The following DMTF1 variants were observed in gnomAD, a reference collection of about 807,000 sequenced individuals.
DMTF1 encodes the protein cyclin-D-binding Myb-like transcription factor 1.
DMTF1 carries 39 observed loss-of-function variants against 91.1 expected under a neutral mutation model. That is an observed-to-expected ratio of 0.43 (90% confidence interval 0.33 to 0.56). The LOEUF is 0.56. DMTF1 is among the 20% of genes least tolerant of loss of function. DMTF1 has a pLI of 0.05. For missense variants in DMTF1, 750 were observed against 914.5 expected (o/e 0.82, Z 2.32); for synonymous variants, 338 against 309.5 (o/e 1.09, Z -0.97).
At chr7:87,155,146 A>G (rs973627355) in intron 1 of DMTF1, among the ~76,000 whole-genome samples, 2 of 152,220 alleles carry the variant, frequency 1.3e-5, no homozygotes, top group Non-Finnish European at 2.9e-5. Context: ...CATAGATGTT[A>G]AAATATTGAG....
chr7:87,159,210 T>C lies in DMTF1; in HGVS notation c.-131-4285T>C, dbSNP rs567420515. Among the ~76,000 whole-genome samples, 7 of 152,264 alleles carry C rather than the reference T, an allele frequency of 4.6e-5. No individual in the cohort carries two copies. In the South Asian group the frequency reaches 1.4e-3, roughly 32 times the overall value. On this transcript the variant is annotated intron_variant, in intron 1 of 17. Coordinates refer to ENST00000331242, the MANE Select transcript of DMTF1 (RefSeq NM_001142327.2). The stretch of plus-strand genomic sequence containing the variant: ...CATGATAAGACTAGAAAATTAAAGC[T>C]ATCAAAGCTATAAATAAGGAGTGCA...
intron 9 of DMTF1, chr7:87,181,879 T>A (rs529884024): frequency 1.5e-4 from 74 of 494,910 alleles, no homozygotes; most frequent in South Asian, 1.5e-3. Context: ...AAACTTTAGA[T>A]GTCTAAAGAA....
intron 13 of DMTF1, 125 bp downstream of exon 13, chr7:87,188,426 C>A: frequency 1.0e-6 from 1 of 959,846 alleles, no homozygotes; most frequent in Admixed American, 2.1e-5. Context: ...TGAAGGACAT[C>A]TAAGATATTT....
Position 87,191,044 on chromosome 7 carries a change from A to G in DMTF1, c.1494+17A>G. ...ATTCTTCCCGTGAGTAACGCTTCAT[A>G]TATATTGGCCATTTTTATGCATGAG... On this transcript the variant is annotated intron_variant, in intron 14 of 17. Coordinates refer to ENST00000331242, the MANE Select transcript of DMTF1 (RefSeq NM_001142327.2). 2 of 1,500,760 alleles carry G rather than the reference A, an allele frequency of 1.3e-6. No homozygotes were observed. The highest frequency in any genetic ancestry group is 1.8e-6 in the Non-Finnish European group (2 of 1,086,534). The allele number at this position is 1,500,760 out of a possible 1,614,324, so 93.0% of individuals were successfully genotyped here. A position where few individuals can be genotyped will look rare whatever the true frequency, so the allele number is the denominator to read the frequency against.
chr7:87,171,059 G>C lies in DMTF1; in HGVS notation c.297G>C (p.Glu99Asp). The change falls in exon 5 of 18, where the codon GAG (glutamate) becomes GAC (aspartate). Residue 99 changes from glutamate (E) to aspartate (D), a missense_variant. By Grantham distance (45) the Glu-to-Asp change is conservative (BLOSUM62 2). Around this residue, in one of 3 missense-constraint regions of DMTF1, gnomAD observed 150 missense variants for 150.4 expected, o/e 1.00. Transcript: ENST00000331242. ...CAACCACAGAAGTAGCAGATGATGA[G>C]GTTACTGAGGGGACTGTGACACAGA... ...MTATTEVADDEVTEGTVTQIQ... is the reference protein window; with the variant it reads ...MTATTEVADDDVTEGTVTQIQ... The C allele has an allele frequency of 6.2e-7, 1 of 1,611,328 alleles. No individual in the cohort carries two copies. The highest frequency in any genetic ancestry group is 1.1e-5 in the South Asian group (1 of 90,960).
Position 87,152,526 on chromosome 7 carries a change from C to G in DMTF1, c.-161C>G, listed in dbSNP as rs1789387370. The G allele has an allele frequency of 6.5e-6, 1 of 152,808 alleles. No homozygotes were observed. The highest frequency in any genetic ancestry group is 1.5e-5 in the Non-Finnish European group (1 of 68,142). 9.5% of individuals were successfully genotyped at this position (152,808 alleles called of 1,614,324 possible). Reference sequence around the variant, plus strand: ...ATTTTTTGGAGCTTCCATCCTGGTTCTTCCAAAGTGCCCGGACCCAAAACA... The same window carrying G: ...ATTTTTTGGAGCTTCCATCCTGGTTGTTCCAAAGTGCCCGGACCCAAAACA... On this transcript the variant is annotated 5_prime_UTR_variant, in exon 1 of 18. Coordinates refer to ENST00000331242, the MANE Select transcript of DMTF1 (RefSeq NM_001142327.2).
intron 9 of DMTF1, 69 bp from the exon 10 acceptor site, chr7:87,182,159 G>C: frequency 6.2e-7 from 1 of 1,607,186 alleles, no homozygotes; most frequent in Non-Finnish European, 8.5e-7. Flanking sequence ...GAAGAATGAA[G>C]AATAAATGAT....
intron 1 of DMTF1, among the ~76,000 whole-genome samples, chr7:87,162,613 G>C (rs1048105259): frequency 6.6e-6 from 1 of 151,812 alleles, no homozygotes; most frequent in African/African-American, 2.4e-5. Context: ...TTTGTAGTAG[G>C]TATTACAAAA....
In DMTF1 at chr7:87,195,500, C is replaced by CT. The variant is rs1801058999; in HGVS notation, c.*361dup. 1 of 189,856 alleles carries CT rather than the reference C, an allele frequency of 5.3e-6. No individual in the cohort carries two copies. The allele number at this position is 189,856 out of a possible 1,614,324, so 11.8% of individuals were successfully genotyped here. On this transcript the variant is annotated 3_prime_UTR_variant, in exon 18 of 18. Transcript: ENST00000331242. Reference sequence around the variant, plus strand: ...GTTTCTCTAAAGATCAGACATGGCACTGTCTCCTCTCAAGCCTGGTTGTAG... The same window carrying CT: ...GTTTCTCTAAAGATCAGACATGGCACTTGTCTCCTCTCAAGCCTGGTTGTAG...
chr7:87,166,880 T>C (rs1015596803), intron 4 of DMTF1, among the ~76,000 whole-genome samples: 2 of 152,166 alleles, frequency 1.3e-5, no homozygotes, highest in Admixed American at 1.3e-4. Flanking sequence ...GTGCTTTTCA[T>C]GAAAATTACA....
At chr7:87,184,659 A>C (rs764271309) in intron 11 of DMTF1, 34 bp downstream of exon 11, 1 of 1,581,404 alleles carries the variant, frequency 6.3e-7, no homozygotes, top group South Asian at 1.1e-5. Context: ...GACAAAAGCA[A>C]CTTAATTTCT....
intron 12 of DMTF1, chr7:87,187,819 T>TA: frequency 2.3e-6 from 1 of 433,604 alleles, no homozygotes; most frequent in Non-Finnish European, 4.2e-6. Context: ...AATGTCCTGT[T>TA]TCCATGTTCT....
chr7:87,158,665 A>G (rs1221596178), intron 1 of DMTF1, among the ~76,000 whole-genome samples: 1 of 152,126 alleles, frequency 6.6e-6, no homozygotes, highest in East Asian at 1.9e-4. Flanking sequence ...CTAGTGATTT[A>G]TCAAGTAATC....
At chr7:87,180,026 A>G (rs1343307697) in intron 8 of DMTF1, among the ~76,000 whole-genome samples, 1 of 152,204 alleles carries the variant, frequency 6.6e-6, no homozygotes, top group Non-Finnish European at 1.5e-5. Context: ...TTTATTGGTA[A>G]CATTTTTCCT....
rs371150473 is a variant in DMTF1 at position 87,191,049 on chromosome 7, T to C, written c.1494+22T>C. On this transcript the variant is annotated intron_variant, in intron 14 of 17. Transcript: ENST00000331242. ...TCCCGTGAGTAACGCTTCATATATATTGGCCATTTTTATGCATGAGAAAGA... is the reference window on the plus strand; with the variant it reads ...TCCCGTGAGTAACGCTTCATATATACTGGCCATTTTTATGCATGAGAAAGA... 2.9e-5 allele frequency: 43 copies of C among 1,478,378 alleles called. No individual in the cohort carries two copies. In the Middle Eastern group the frequency reaches 8.6e-4, roughly 30 times the overall value. The allele number at this position is 1,478,378 out of a possible 1,614,324, so 91.6% of individuals were successfully genotyped here.
At chr7:87,166,727 A>G in intron 4 of DMTF1, 122 bp downstream of exon 4, 3 of 937,738 alleles carry the variant, frequency 3.2e-6, no homozygotes, top group Non-Finnish European at 5.0e-6. Context: ...ATTTAGTCAA[A>G]CCACCTCTTT....
Position 87,194,745 on chromosome 7 carries a change from T to C in DMTF1, c.2090T>C (p.Leu697Pro). ...VDQTIDDETI[L>P]IVPSPHGFIQ... ...CAAACAATTGATGATGAAACAATAC[T>C]TATCGTTCCTTCACCACATGGCTTT... Residue 697 changes from leucine to proline, a missense_variant, in exon 17 of 18, where the codon CTT becomes CCT. Physicochemically the swap from Leu to Pro is moderately conservative, Grantham distance 98. Transcript: ENST00000331242. 6.2e-7 allele frequency: 1 copy of C among 1,611,234 alleles called. No individual in the cohort carries two copies. The highest frequency in any genetic ancestry group is 1.1e-5 in the South Asian group (1 of 90,994).
At chr7:87,177,249 G>A (rs1415359818) in intron 7 of DMTF1, among the ~76,000 whole-genome samples, 1 of 152,032 alleles carries the variant, frequency 6.6e-6, no homozygotes, top group Non-Finnish European at 1.5e-5. Context: ...ATTTCATTGT[G>A]CAAATGTGCA....
At chr7:87,185,297 C>T (rs1278681000) in intron 11 of DMTF1, among the ~76,000 whole-genome samples, 2 of 152,076 alleles carry the variant, frequency 1.3e-5, no homozygotes, top group Admixed American at 6.5e-5. Context: ...AGCTAGAAAA[C>T]GAACAGATTT....
Sources: allele counts gnomAD v4.1 joint callset (sites outside exome capture counted in the v4.1 genomes callset), GRCh38; gene constraint gnomAD v4.1.1; regional missense constraint gnomAD v4.1.1; transcripts MANE v1.5; gene names NCBI Gene and HGNC (gene_info 2026-07-23, HGNC 2026-07-21).